The following SH3RF3 variants were observed in gnomAD, a reference collection of about 807,000 sequenced individuals.
The protein encoded by SH3RF3 is SH3 domain containing ring finger 3, also known as E3 ubiquitin-protein ligase SH3RF3.
SH3RF3 carries 29 observed loss-of-function variants against 66.3 expected under a neutral mutation model. The ratio of observed to expected loss-of-function variants is 0.44; its 90% CI spans 0.33 to 0.60. SH3RF3 has a LOEUF of 0.60. Among genes scored for constraint, SH3RF3 ranks in the 20% least tolerant of loss-of-function variants. The pLI, the probability that SH3RF3 is intolerant of heterozygous loss-of-function variation, is 0.04. For missense variants in SH3RF3, 1,194 were observed against 1,190.9 expected (o/e 1.00, Z -0.04); for synonymous variants, 583 against 532.0 (o/e 1.10, Z -1.32).
intron 4 of SH3RF3, among the ~76,000 whole-genome samples, chr2:109,400,561 A>G (rs1377253761): frequency 6.9e-6 from 1 of 144,068 alleles, no homozygotes; most frequent in Admixed American, 6.8e-5. Flanking sequence ...ACGTATACAC[A>G]TACACACCTG....
intron 5 of SH3RF3, among the ~76,000 whole-genome samples, chr2:109,420,575 A>G (rs1676848594): frequency 1.3e-5 from 2 of 152,086 alleles, no homozygotes; most frequent in African/African-American, 4.8e-5. Context: ...CCTCCCAAGT[A>G]GCTGGGACTA....
chr2:109,266,528 C>T (rs970291839), intron 1 of SH3RF3, among the ~76,000 whole-genome samples: 4 of 152,132 alleles, frequency 2.6e-5, no homozygotes, highest in Non-Finnish European at 4.4e-5. Flanking sequence ...TTGTTCTCCT[C>T]AATACAGTGA....
chr2:109,290,980 G>C (rs1035794066), intron 1 of SH3RF3, among the ~76,000 whole-genome samples: 1 of 152,238 alleles, frequency 6.6e-6, no homozygotes, highest in Non-Finnish European at 1.5e-5. Flanking sequence ...GTACATAGTA[G>C]GTGCACATTA....
chr2:109,214,082 G>A (rs977267830), intron 1 of SH3RF3, among the ~76,000 whole-genome samples: 2 of 152,188 alleles, frequency 1.3e-5, no homozygotes, highest in African/African-American at 4.8e-5. Flanking sequence ...ACTGGACGGC[G>A]AGGAGGAAGG....
Position 109,129,685 on chromosome 2 carries a change from T to G in SH3RF3, c.145T>G (p.Ser49Ala). The G allele has an allele frequency of 1.3e-6, 2 of 1,523,546 alleles. No homozygotes were observed. Among genetic ancestry groups the G allele is most frequent in the African/African-American group, 1.4e-5 (1 of 70,366 alleles). 94.4% of individuals were successfully genotyped at this position (1,523,546 alleles called of 1,614,324 possible). ...AAGAGEDMDE[S>A]SLLDLLECSV... ...GGGGGCGGGCGAGGACATGGACGAG[T>G]CGTCGCTGCTGGACCTGCTGGAGTG... Residue 49 changes from serine (S) to alanine (A), a missense_variant, in exon 1 of 10, where the codon TCG becomes GCG. Coordinates refer to ENST00000309415, the MANE Select transcript of SH3RF3 (RefSeq NM_001099289.3).
At chr2:109,213,343 T>C (rs1679035998) in intron 1 of SH3RF3, among the ~76,000 whole-genome samples, 1 of 152,182 alleles carries the variant, frequency 6.6e-6, no homozygotes, top group Admixed American at 6.5e-5. Context: ...CCCGGGCATC[T>C]TGTCCTCCAG....
chr2:109,214,646 G>A (rs1331927660), intron 1 of SH3RF3, among the ~76,000 whole-genome samples: 1 of 152,084 alleles, frequency 6.6e-6, no homozygotes, highest in African/African-American at 2.4e-5. Flanking sequence ...GAACGTCTCT[G>A]CCTGACACTC....
chr2:109,264,812 G>C (rs746515143), intron 1 of SH3RF3, among the ~76,000 whole-genome samples: 40 of 152,330 alleles, frequency 2.6e-4, no homozygotes, highest in African/African-American at 8.7e-4. Flanking sequence ...CGTGCATGCC[G>C]CACCCTCCTG....
At chr2:109,172,850 C>A (rs549818049) in intron 1 of SH3RF3, among the ~76,000 whole-genome samples, 107 of 152,358 alleles carry the variant, frequency 7.0e-4, no homozygotes, top group African/African-American at 2.4e-3. Flanking sequence ...TGTAGAAGAG[C>A]ACTGCCTTAG....
At chr2:109,463,585 C>T (rs1678262764) in intron 8 of SH3RF3, among the ~76,000 whole-genome samples, 1 of 152,204 alleles carries the variant, frequency 6.6e-6, no homozygotes, top group African/African-American at 2.4e-5. Context: ...CTTCCAATTT[C>T]TGATTATTGT....
At chr2:109,211,272 T>G (rs1160319286) in intron 1 of SH3RF3, among the ~76,000 whole-genome samples, 1 of 152,242 alleles carries the variant, frequency 6.6e-6, no homozygotes. Flanking sequence ...GGGGATGTCC[T>G]GCCATTTGCA....
intron 1 of SH3RF3, among the ~76,000 whole-genome samples, chr2:109,285,205 G>A (rs1681004653): frequency 6.6e-6 from 1 of 152,216 alleles, no homozygotes. Flanking sequence ...CTGGCCTTCT[G>A]GTTTTGGAGA....
intron 1 of SH3RF3, among the ~76,000 whole-genome samples, chr2:109,176,688 G>C (rs925589540): frequency 2.0e-5 from 3 of 152,168 alleles, no homozygotes; most frequent in Non-Finnish European, 4.4e-5. Flanking sequence ...AGTGAGCTAT[G>C]ATGGTGTCAC....
At chr2:109,176,753 G>A (rs1677925536) in intron 1 of SH3RF3, among the ~76,000 whole-genome samples, 2 of 152,150 alleles carry the variant, frequency 1.3e-5, no homozygotes, top group South Asian at 2.1e-4. Context: ...AGAAGGCATA[G>A]GGGCATGGAA....
chr2:109,384,596 G>C lies in SH3RF3; in HGVS notation c.945+12915G>C, dbSNP rs553096138. 3.3e-5 allele frequency among the ~76,000 whole-genome samples: 5 copies of C among 152,226 alleles called. No homozygotes were observed. In the South Asian group the frequency reaches 1.0e-3, roughly 32 times the overall value. On this transcript the variant is annotated intron_variant, in intron 3 of 9. Transcript: ENST00000309415. Reference sequence around the variant, plus strand: ...CATCTGCTCTGCATTTGGGTCTGGGGTCTCTCTTCCAGGCCCCTTCTCTGC... The same window carrying C: ...CATCTGCTCTGCATTTGGGTCTGGGCTCTCTCTTCCAGGCCCCTTCTCTGC...
chr2:109,411,115 G>T (rs1399688793), intron 4 of SH3RF3, among the ~76,000 whole-genome samples: 1 of 152,204 alleles, frequency 6.6e-6, no homozygotes, highest in East Asian at 1.9e-4. Flanking sequence ...ACCATGGTTG[G>T]AGCTGGAGGC....
chr2:109,330,447 T>C (rs1682257824), intron 1 of SH3RF3, among the ~76,000 whole-genome samples: 1 of 152,240 alleles, frequency 6.6e-6, no homozygotes, highest in Non-Finnish European at 1.5e-5. Flanking sequence ...CGATACATTA[T>C]GACTCTAAAT....
intron 4 of SH3RF3, among the ~76,000 whole-genome samples, chr2:109,414,079 T>C (rs1373939431): frequency 6.6e-6 from 1 of 152,166 alleles, no homozygotes; most frequent in Admixed American, 6.5e-5. Context: ...ATGGGTCTCC[T>C]TCTGTTTATT....
chr2:109,500,785 C>A (rs1276043230), intron 9 of SH3RF3, among the ~76,000 whole-genome samples: 1 of 151,118 alleles, frequency 6.6e-6, no homozygotes, highest in African/African-American at 2.4e-5. Context: ...CCCATCTCTA[C>A]AAAAAAAAAT....
Sources: gnomAD v4.1 joint callset for allele counts (sites outside exome capture counted in the v4.1 genomes callset) on GRCh38, gnomAD v4.1.1 for gene constraint, MANE v1.5 for transcripts, NCBI Gene and HGNC (gene_info 2026-07-23, HGNC 2026-07-21) for gene names.